Variants in NAV1 observed in about 807,000 individuals in gnomAD.
NAV1 encodes the protein neuron navigator 1.
Under a neutral mutation model 175.2 loss-of-function variants are expected in NAV1, and 18 were observed. The observed-to-expected ratio is 0.10, with a 90% confidence interval of 0.07 to 0.15. The LOEUF is 0.15. Among genes scored for constraint, NAV1 ranks in the 10% least tolerant of loss-of-function variants. The pLI, the probability that NAV1 is intolerant of heterozygous loss-of-function variation, is 1.00. For missense variants in NAV1, 1,731 were observed against 2,436.6 expected, an observed-to-expected ratio of 0.71 and a Z score of 6.10; for synonymous variants, 897 against 978.7, an observed-to-expected ratio of 0.92 and a Z score of 1.56.
intron 2 of NAV1, among the ~76,000 whole-genome samples, chr1:201,608,111 C>T (rs1299597807): frequency 1.3e-5 from 2 of 152,122 alleles, no homozygotes; most frequent in African/African-American, 4.8e-5. Flanking sequence ...TGCTACTGTA[C>T]TAAACATTCT....
chr1:201,784,467 C>A (rs1676561297), intron 7 of NAV1, among the ~76,000 whole-genome samples: 1 of 152,122 alleles, frequency 6.6e-6, no homozygotes, highest in Non-Finnish European at 1.5e-5. Context: ...TGCCCAGAAT[C>A]TTTTCTTTTA....
chr1:201,569,890 A>G (rs1666479405), intron 1 of NAV1, among the ~76,000 whole-genome samples: 1 of 152,180 alleles, frequency 6.6e-6, no homozygotes. Context: ...CTAGTGTGTG[A>G]TCGTTGACAA....
intron 1 of NAV1, among the ~76,000 whole-genome samples, chr1:201,544,672 G>T (rs1665616683): frequency 6.6e-6 from 1 of 152,192 alleles, no homozygotes; most frequent in Non-Finnish European, 1.5e-5. Context: ...GATCCCAAAA[G>T]CTTAGTGGGC....
Position 201,812,098 on chromosome 1 carries a change from A to G in NAV1, c.5024+124A>G. On this transcript the variant is annotated intron_variant, in intron 26 of 29. Coordinates refer to ENST00000367296, the Ensembl canonical transcript of NAV1. The surrounding 1 kb of genome is among the most constrained non-coding windows in gnomAD (Gnocchi z 4.6). Reference sequence around the variant, plus strand: ...GTATCCAGAGCTTTTTGGGCTGGAAATAGAAAGTAGATGTATTTGTCATGT... The same window carrying G: ...GTATCCAGAGCTTTTTGGGCTGGAAGTAGAAAGTAGATGTATTTGTCATGT... The G allele has an allele frequency of 1.1e-6, 1 of 939,228 alleles. No homozygotes were observed. The highest frequency in any genetic ancestry group is 1.7e-6 in the Non-Finnish European group (1 of 587,254). The allele number at this position is 939,228 out of a possible 1,614,324, so 58.2% of individuals were successfully genotyped here. A position where few individuals can be genotyped will look rare whatever the true frequency, so the allele number is the denominator to read the frequency against.
intron 1 of NAV1, among the ~76,000 whole-genome samples, chr1:201,549,282 A>C (rs933430547): frequency 6.6e-6 from 1 of 151,596 alleles, no homozygotes; most frequent in Non-Finnish European, 1.5e-5. Context: ...ATCACAGCAC[A>C]TTGCAGCCTC....
intron 3 of NAV1, among the ~76,000 whole-genome samples, chr1:201,778,382 G>T (rs528696920): frequency 3.9e-5 from 6 of 152,264 alleles, no homozygotes; most frequent in South Asian, 2.1e-4. Flanking sequence ...AGTGCTACAG[G>T]CTTCCTCTGT....
rs528076948 is a variant in NAV1 at position 201,731,084 on chromosome 1, C to T, written c.1226+12329C>T. Among the ~76,000 whole-genome samples the T allele has an allele frequency of 3.9e-5, 6 of 152,200 alleles. No individual in the cohort carries two copies. The South Asian group carries it at 6.2e-4, about 16-fold the overall frequency. ...GTCAGGCCCATAGAGACCGAAAGCA[C>T]ATAGCTACATTGGAGGCAGATCGAC... is the stretch of plus-strand genomic sequence containing the variant. On this transcript the variant is annotated intron_variant, in intron 3 of 29. Coordinates refer to ENST00000367296, the Ensembl canonical transcript of NAV1.
At chr1:201,629,873 G>A (rs1668437594) in intron 2 of NAV1, among the ~76,000 whole-genome samples, 1 of 152,166 alleles carries the variant, frequency 6.6e-6, no homozygotes, top group Non-Finnish European at 1.5e-5. Context: ...GCAGGCCAGA[G>A]CCATCTGGCT....
At chr1:201,590,833 G>A (rs1410307571) in intron 2 of NAV1, among the ~76,000 whole-genome samples, 1 of 152,212 alleles carries the variant, frequency 6.6e-6, no homozygotes, top group Non-Finnish European at 1.5e-5. Context: ...GGGTGGGATA[G>A]GTGTTAGAAG....
At chr1:201,774,632 A>G (rs1032530536) in intron 3 of NAV1, among the ~76,000 whole-genome samples, 1 of 152,174 alleles carries the variant, frequency 6.6e-6, no homozygotes, top group Non-Finnish European at 1.5e-5. Context: ...CTCAAAAAAA[A>G]TATTATCTAG....
chr1:201,819,347 C>T (rs994991366), intron 29 of NAV1, among the ~76,000 whole-genome samples: 1 of 152,100 alleles, frequency 6.6e-6, no homozygotes, highest in Non-Finnish European at 1.5e-5. Flanking sequence ...TGTACATACA[C>T]ATGTGTCACA....
In NAV1 at chr1:201,679,822, G is replaced by T. The variant is rs114077037; in HGVS notation, c.757+30397G>T. 5.2e-3 allele frequency among the ~76,000 whole-genome samples: 790 copies of T among 152,280 alleles called. 9 individuals are homozygous for T. The highest frequency in any genetic ancestry group is 0.017 in the African/African-American group (727 of 41,556). ...TGATGCAAAGAGGGATGTGGGGCAT[G>T]GAGCATAGGTTTGTCATTCCTATAT... is the stretch of plus-strand genomic sequence containing the variant. On this transcript the variant is annotated intron_variant, in intron 1 of 29. Coordinates refer to ENST00000367296, the Ensembl canonical transcript of NAV1.
rs139667344 is a variant in NAV1, at chr1:201,692,509, G to C, written c.758-20308G>C. 2.7e-3 allele frequency among the ~76,000 whole-genome samples: 416 copies of C among 152,298 alleles called. 1 individual carries two copies. Among genetic ancestry groups the C allele is most frequent in the Middle Eastern group, 6.8e-3 (2 of 294 alleles). ...CTCCTTGGTAACAGGAGTTTGTAAT[G>C]GTCTGGAAAATGCAGGAAAATCTTT... On this transcript the variant is annotated intron_variant, in intron 1 of 29. Transcript: ENST00000367296.
At chr1:201,598,955 G>A (rs1161765729) in intron 2 of NAV1, among the ~76,000 whole-genome samples, 1 of 152,172 alleles carries the variant, frequency 6.6e-6, no homozygotes, top group Non-Finnish European at 1.5e-5. Context: ...TCATTATCAG[G>A]TGGGGCATTG....
In NAV1 at chr1:201,740,139, A is replaced by AC; in HGVS notation, c.1226+21389dup. The AC allele has an allele frequency of 7.7e-7, 1 of 1,297,986 alleles. No individual in the cohort carries two copies. The highest frequency in any genetic ancestry group is 1.0e-6 in the Non-Finnish European group (1 of 984,266). The allele number at this position is 1,297,986 out of a possible 1,614,324, so 80.4% of individuals were successfully genotyped here. The stretch of plus-strand genomic sequence containing the variant: ...GCAGAGCTGGGGTCGGGTTTGTGGC[A>AC]CCCCCAGCCCCGCCGCAGCCCCCCA... On this transcript the variant is annotated intron_variant, in intron 3 of 29. Transcript: ENST00000367296. The surrounding 1 kb of genome is among the most constrained non-coding windows in gnomAD (Gnocchi z 4.7).
At chr1:201,645,801 A>AGC (rs1491055426), upstream of NAV1, among the ~76,000 whole-genome samples, 78 of 152,378 alleles carry the variant, frequency 5.1e-4, no homozygotes, top group African/African-American at 1.9e-3. Context: ...ACAGCAAGTA[A>AGC]GAGCAACTGT....
intron 17 of NAV1, among the ~76,000 whole-genome samples, chr1:201,805,583 A>G (rs949326215): frequency 2.0e-5 from 3 of 152,164 alleles, no homozygotes; most frequent in Non-Finnish European, 4.4e-5. Flanking sequence ...AACATTTCCC[A>G]AAGTGTGTTC....
chr1:201,703,662 G>A (rs1016774781), intron 1 of NAV1, among the ~76,000 whole-genome samples: 21 of 152,328 alleles, frequency 1.4e-4, no homozygotes, highest in Admixed American at 9.8e-4. Context: ...CTTTAAGCTC[G>A]TCTCCCCGGC....
At chr1:201,692,614 A>G (rs1183759466) in intron 1 of NAV1, among the ~76,000 whole-genome samples, 1 of 152,180 alleles carries the variant, frequency 6.6e-6, no homozygotes, top group Non-Finnish European at 1.5e-5. Flanking sequence ...CTGACAGGGG[A>G]GCACTGAGGC....
Sources: gnomAD v4.1 joint callset for allele counts (sites outside exome capture counted in the v4.1 genomes callset) on GRCh38, gnomAD v4.1.1 for gene constraint, Gnocchi (gnomAD v3.1) non-coding constraint, MANE v1.5 for transcripts, NCBI Gene and HGNC (gene_info 2026-07-23, HGNC 2026-07-21) for gene names.